The following CAST variants were observed in gnomAD, a reference collection of about 807,000 sequenced individuals.
CAST encodes calpastatin, also known as MIR583 host.
Under a neutral mutation model 119.6 loss-of-function variants are expected in CAST, and 76 were observed. The observed-to-expected ratio is 0.64, with a 90% confidence interval of 0.53 to 0.77. The LOEUF (loss-of-function observed/expected upper bound fraction) is 0.77. Ranked by LOEUF, CAST falls within the 30% of genes least tolerant of loss-of-function variation. CAST has a pLI of 0.00. For missense variants in CAST, 953 were observed against 946.5 expected, an observed-to-expected ratio of 1.01 and a Z score of -0.09; for synonymous variants, 319 against 331.6, an observed-to-expected ratio of 0.96 and a Z score of 0.41.
rs555417136 is a variant in CAST at position 96,592,850 on chromosome 5, C to T, written c.60+62970C>T. Among the ~76,000 whole-genome samples the T allele has an allele frequency of 4.6e-5, 7 of 152,028 alleles. No homozygotes were observed. The East Asian group carries it at 9.7e-4, about 21-fold the overall frequency. On this transcript the variant is annotated intron_variant, in intron 1 of 11. Coordinates refer to the CAST transcript ENST00000505143. ...CGTGATCTCTGCTCACTGCAAGCTC[C>T]GCCTCCTGGGTTCATGCCATTCTCC...
At chr5:96,150,927 T>C in the CAST span, among the ~76,000 whole-genome samples, 1 of 152,154 alleles carries the variant, frequency 6.6e-6, no homozygotes, top group African/African-American at 2.4e-5. Context: ...TATATTCCCC[T>C]CTTCTCCATC....
chr5:96,419,425 C>G, the CAST span, among the ~76,000 whole-genome samples: 3 of 148,712 alleles, frequency 2.0e-5, no homozygotes, highest in Admixed American at 1.3e-4. Context: ...CTCTCTCTCT[C>G]TCTCTCTCTC....
At chr5:96,228,037 G>C in the CAST span, among the ~76,000 whole-genome samples, 1 of 152,048 alleles carries the variant, frequency 6.6e-6, no homozygotes, top group Non-Finnish European at 1.5e-5. Context: ...GCACGCACAT[G>C]TGTATGTGTG....
the CAST span, among the ~76,000 whole-genome samples, chr5:96,144,633 T>C: frequency 1.3e-5 from 2 of 152,098 alleles, 1 homozygote; most frequent in African/African-American, 4.8e-5. Flanking sequence ...GCTATGACTG[T>C]CATTCATTTG....
chr5:96,124,662 T>C, the CAST span, among the ~76,000 whole-genome samples: 6 of 152,174 alleles, frequency 3.9e-5, no homozygotes, highest in Non-Finnish European at 8.8e-5. Context: ...GTTATAGTCA[T>C]AGGATGAGCT....
chr5:96,306,110 T>C, the CAST span, among the ~76,000 whole-genome samples: 8 of 152,230 alleles, frequency 5.3e-5, no homozygotes, highest in South Asian at 2.1e-4. Flanking sequence ...TATTAATTGC[T>C]GTCTCAATTT....
At chr5:96,124,727 T>A in the CAST span, among the ~76,000 whole-genome samples, 1 of 152,166 alleles carries the variant, frequency 6.6e-6, no homozygotes, top group Non-Finnish European at 1.5e-5. Flanking sequence ...TACCTGTATT[T>A]CTTAATAGTG....
At chr5:96,083,115 C>A in the CAST span, among the ~76,000 whole-genome samples, 1 of 152,106 alleles carries the variant, frequency 6.6e-6, no homozygotes. Context: ...GGAGTTAGGT[C>A]TAAACAGGTA....
chr5:96,191,507 C>T, the CAST span, among the ~76,000 whole-genome samples: 11 of 152,226 alleles, frequency 7.2e-5, no homozygotes, highest in Non-Finnish European at 1.6e-4. Context: ...CAAATTTCAT[C>T]TCCAGAGACT....
chr5:96,757,579 G>A lies in CAST; in HGVS notation c.1762-4G>A. 6.2e-7 allele frequency: 1 copy of A among 1,613,558 alleles called. No individual in the cohort carries two copies. The highest frequency in any genetic ancestry group is 8.5e-7 in the Non-Finnish European group (1 of 1,179,558). Reference sequence around the variant, plus strand: ...TTTGTTGATACATTTCCTGGTTCTTGCAGCCCATGAGTGAAGACTTCCTTC... The same window carrying A: ...TTTGTTGATACATTTCCTGGTTCTTACAGCCCATGAGTGAAGACTTCCTTC... On this transcript the variant is annotated splice_polypyrimidine_tract_variant and splice_region_variant and intron_variant, in intron 23 of 31. Transcript: ENST00000675179.
chr5:96,240,790 T>C, the CAST span, among the ~76,000 whole-genome samples: 2 of 150,728 alleles, frequency 1.3e-5, no homozygotes, highest in Non-Finnish European at 3.0e-5. Context: ...GAATTTATTT[T>C]ACTGATAATT....
chr5:96,559,028 C>A (rs1746301068), intron 1 of CAST, among the ~76,000 whole-genome samples: 1 of 152,154 alleles, frequency 6.6e-6, no homozygotes, highest in African/African-American at 2.4e-5. Context: ...TGGGCTTCAT[C>A]CCTGGGATGC....
At chr5:96,532,486 C>T (rs767696895) in intron 1 of CAST, among the ~76,000 whole-genome samples, 3 of 152,058 alleles carry the variant, frequency 2.0e-5, no homozygotes, top group Non-Finnish European at 2.9e-5. Context: ...AGGCCAAGGC[C>T]GGAGGATCAC....
chr5:96,568,496 CAG>C (rs1475520815), intron 1 of CAST, among the ~76,000 whole-genome samples: 3 of 135,466 alleles, frequency 2.2e-5, no homozygotes, highest in East Asian at 4.5e-4. Flanking sequence ...ACCTGGGAGG[CAG>C]AGTTTGCAGT....
chr5:96,519,732 G>T, the CAST span, among the ~76,000 whole-genome samples: 2 of 151,914 alleles, frequency 1.3e-5, no homozygotes, highest in African/African-American at 4.8e-5. Context: ...TCAGCCTCCC[G>T]AGTAGTTGGG....
intron 1 of CAST, among the ~76,000 whole-genome samples, chr5:96,557,772 C>A (rs1255870905): frequency 6.6e-6 from 1 of 152,100 alleles, no homozygotes; most frequent in East Asian, 1.9e-4. Context: ...TTTAGCACAC[C>A]ACTGTCAACA....
chr5:96,224,023 A>G, the CAST span, among the ~76,000 whole-genome samples: 1 of 152,190 alleles, frequency 6.6e-6, no homozygotes, highest in Admixed American at 6.5e-5. Context: ...TGATGGTTAT[A>G]AAAAGGTAAA....
chr5:96,180,707 A>G, the CAST span, among the ~76,000 whole-genome samples: 5 of 152,382 alleles, frequency 3.3e-5, no homozygotes, highest in African/African-American at 1.2e-4. Context: ...AGTAAGGCAT[A>G]TTCACAATTT....
At chr5:96,462,108 A>G in the CAST span, among the ~76,000 whole-genome samples, 1 of 151,950 alleles carries the variant, frequency 6.6e-6, no homozygotes. Flanking sequence ...CCCAGCACGG[A>G]CTCTTCCCAA....
Sources: allele counts gnomAD v4.1 joint callset (sites outside exome capture counted in the v4.1 genomes callset), GRCh38; gene constraint gnomAD v4.1.1; transcripts MANE v1.5; gene names NCBI Gene and HGNC (gene_info 2026-07-23, HGNC 2026-07-21).